The following FOXP1 variants were observed in gnomAD, a reference collection of about 807,000 sequenced individuals.
FOXP1 encodes forkhead box protein P1.
In FOXP1, 15 loss-of-function variants were observed where a neutral mutation model predicts 98.2. That is an observed-to-expected ratio of 0.15 (90% CI 0.10 to 0.24). The LOEUF is 0.24. FOXP1 is among the 10% of genes least tolerant of loss of function. FOXP1 has a pLI of 1.00. For missense variants in FOXP1, 633 were observed against 848.5 expected (o/e 0.75, Z 3.15); for synonymous variants, 371 against 314.5 (o/e 1.18, Z -1.90).
rs544507441 is a variant in FOXP1 at position 71,413,851 on chromosome 3, C to T, written c.-167-54607G>A. On this transcript the variant is annotated intron_variant, in intron 3 of 20. Transcript: ENST00000649528. ...TAACATTTTATATATCTTTTCCCCT[C>T]GTTACCTGTAGGCACTTTTTTCTTT... Among the ~76,000 whole-genome samples, 7 of 152,214 alleles carry T rather than the reference C, an allele frequency of 4.6e-5. No homozygotes were observed. The East Asian group carries it at 5.8e-4, about 13-fold the overall frequency.
intron 5 of FOXP1, among the ~76,000 whole-genome samples, chr3:71,211,313 C>G (rs564153250): frequency 6.6e-6 from 1 of 152,222 alleles, no homozygotes; most frequent in Non-Finnish European, 1.5e-5. Flanking sequence ...TCCAGTGATT[C>G]TCCTGTCTCA....
chr3:71,131,403 CAAAAAA>C (rs10681690), intron 6 of FOXP1, among the ~76,000 whole-genome samples: 1 of 126,540 alleles, frequency 7.9e-6, no homozygotes, highest in African/African-American at 3.0e-5. Context: ...TATTCAATAA[CAAAAAA>C]AAAAAAAAAA....
intron 3 of FOXP1, among the ~76,000 whole-genome samples, chr3:71,383,480 T>C (rs1370018001): frequency 6.6e-6 from 1 of 152,190 alleles, no homozygotes; most frequent in East Asian, 1.9e-4. Flanking sequence ...ATTTAGGGCA[T>C]GCACTTTGAA....
chr3:71,075,467 G>A (rs192771677), intron 7 of FOXP1, among the ~76,000 whole-genome samples: 5 of 152,208 alleles, frequency 3.3e-5, no homozygotes, highest in Non-Finnish European at 7.4e-5. Flanking sequence ...AGGTACTGTT[G>A]ATCCTCACTC....
intron 6 of FOXP1, among the ~76,000 whole-genome samples, chr3:71,118,832 A>G (rs1198029423): frequency 6.6e-6 from 1 of 152,252 alleles, no homozygotes; most frequent in Non-Finnish European, 1.5e-5. Flanking sequence ...TTTTATTTGA[A>G]TACAGTTAAG....
Position 71,570,857 on chromosome 3 carries a change from G to T in FOXP1, c.-298+10692C>A, listed in dbSNP as rs567308664. On this transcript the variant is annotated intron_variant, in intron 2 of 20. Coordinates refer to ENST00000649528, the MANE Select transcript of FOXP1 (RefSeq NM_001349338.3). ...GCTGGAGCAGCAGATGGTACTGCTG[G>T]TAAGAGCCAACGTGGACGGACAGGG... The T allele has an allele frequency of 5.3e-5, 8 of 152,326 alleles. No individual in the cohort carries two copies. The South Asian group carries it at 6.2e-4, about 12-fold the overall frequency. The allele number at this position is 152,326 out of a possible 1,614,324, so 9.4% of individuals were successfully genotyped here.
intron 6 of FOXP1, among the ~76,000 whole-genome samples, chr3:71,126,105 T>C (rs2059151064): frequency 6.6e-6 from 1 of 152,128 alleles, no homozygotes; most frequent in Non-Finnish European, 1.5e-5. Flanking sequence ...ATATGTAAAA[T>C]GTATACATGA....
intron 4 of FOXP1, among the ~76,000 whole-genome samples, chr3:71,304,006 C>T (rs1023716388): frequency 4.6e-5 from 7 of 152,194 alleles, no homozygotes; most frequent in African/African-American, 1.7e-4. Context: ...AAATGTGCGA[C>T]TTTGAATCCA....
intron 7 of FOXP1, among the ~76,000 whole-genome samples, chr3:71,085,914 G>C (rs71298367): frequency 6.6e-6 from 1 of 151,378 alleles, no homozygotes. Flanking sequence ...ATTTTTAGTA[G>C]AGACAGGATT....
chr3:71,008,568 T>C (rs1306369640), intron 12 of FOXP1, among the ~76,000 whole-genome samples: 1 of 152,080 alleles, frequency 6.6e-6, no homozygotes, highest in African/African-American at 2.4e-5. Context: ...ACATGATAAC[T>C]CATGGTTGAT....
intron 11 of FOXP1, among the ~76,000 whole-genome samples, chr3:71,026,480 C>T (rs925745483): frequency 7.2e-5 from 11 of 152,278 alleles, no homozygotes; most frequent in South Asian, 2.1e-4. Flanking sequence ...CAGAGCCTCA[C>T]GGTCGTTCTG....
At chr3:71,228,757 C>A (rs908752947) in intron 5 of FOXP1, among the ~76,000 whole-genome samples, 1 of 152,162 alleles carries the variant, frequency 6.6e-6, no homozygotes, top group East Asian at 1.9e-4. Context: ...ATTCTCAACA[C>A]CCGAGATTTA....
At chr3:71,463,588 T>C (rs13063645) in intron 3 of FOXP1, among the ~76,000 whole-genome samples, 5,431 of 152,172 alleles carry the variant, frequency 0.036, 154 homozygotes, top group Non-Finnish European at 0.051. Flanking sequence ...CCAGGAGATA[T>C]GAAGATAACT....
chr3:71,198,034 G>C (rs752994592), intron 6 of FOXP1, 168 bp downstream of exon 6: 3 of 1,614,228 alleles, frequency 1.9e-6, no homozygotes, highest in South Asian at 1.1e-5. Context: ...CCAACTGCTG[G>C]GACTCCTAGA....
intron 3 of FOXP1, among the ~76,000 whole-genome samples, chr3:71,366,821 C>G (rs2078961037): frequency 6.6e-6 from 1 of 152,168 alleles, no homozygotes; most frequent in Admixed American, 6.5e-5. Context: ...AATAGACCAC[C>G]TTACTTTTTA....
intron 6 of FOXP1, among the ~76,000 whole-genome samples, chr3:71,191,361 A>ATGAT (rs907592174): frequency 7.9e-5 from 12 of 152,196 alleles, no homozygotes; most frequent in African/African-American, 2.9e-4. Flanking sequence ...TTCTTTTTTT[A>ATGAT]TGATTATTTT....
Position 71,130,804 on chromosome 3 carries a change from C to T in FOXP1, c.181-18167G>A. On this transcript the variant is annotated intron_variant, in intron 6 of 20. Coordinates refer to ENST00000649528, the MANE Select transcript of FOXP1 (RefSeq NM_001349338.3). Reference sequence around the variant, plus strand: ...TTCTTCACTTTCAAAGTTGAAAGATCAGTTGGAGCTTGCAGGTAATTTTCA... The same window carrying T: ...TTCTTCACTTTCAAAGTTGAAAGATTAGTTGGAGCTTGCAGGTAATTTTCA... 3.5e-6 allele frequency: 5 copies of T among 1,435,178 alleles called. No individual in the cohort carries two copies. The South Asian group carries it at 6.1e-5, about 17-fold the overall frequency. The allele number at this position is 1,435,178 out of a possible 1,614,324, so 88.9% of individuals were successfully genotyped here.
Position 70,978,375 on chromosome 3 carries a change from C to A in FOXP1, c.1147-346G>T, listed in dbSNP as rs145547920. On this transcript the variant is annotated intron_variant, in intron 14 of 20. Coordinates refer to ENST00000649528, the MANE Select transcript of FOXP1 (RefSeq NM_001349338.3). ...GCTTTGATCGCCCATCAGGCCTTGT[C>A]AACCTCAAAGAGGGAGAGAAGTCCT... 1.2e-4 allele frequency among the ~76,000 whole-genome samples: 18 copies of A among 152,314 alleles called. No individual in the cohort carries two copies. The East Asian group carries it at 3.5e-3, about 29-fold the overall frequency.
At chr3:71,524,897 C>A (rs900291145) in intron 2 of FOXP1, among the ~76,000 whole-genome samples, 5 of 152,176 alleles carry the variant, frequency 3.3e-5, no homozygotes, top group Admixed American at 2.6e-4. Context: ...ATTAACAGGT[C>A]ACCGTGCGGC....
Sources: gnomAD v4.1 joint callset for allele counts (sites outside exome capture counted in the v4.1 genomes callset) on GRCh38, gnomAD v4.1.1 for gene constraint, MANE v1.5 for transcripts, NCBI Gene and HGNC (gene_info 2026-07-23, HGNC 2026-07-21) for gene names.